Variants in TMEM50B observed in about 807,000 individuals in gnomAD.
TMEM50B encodes HCV p7-trans-regulated protein 3.
In TMEM50B, 14 loss-of-function variants were observed where a neutral mutation model predicts 23.4. That is an observed-to-expected ratio of 0.60 (90% confidence interval 0.39 to 0.93). TMEM50B has a LOEUF of 0.93. TMEM50B is among the 40% of genes least tolerant of loss of function. TMEM50B has a pLI of 0.00. For synonymous variants in TMEM50B, 64 were observed against 62.3 expected, an observed-to-expected ratio of 1.03 and a Z score of -0.13; for missense variants, 159 against 193.0, an observed-to-expected ratio of 0.82 and a Z score of 1.04.
intron 8 of TMEM50B, chr21:33,436,860 G>A (rs771783691): frequency 6.2e-7 from 1 of 1,614,060 alleles, no homozygotes; most frequent in East Asian, 2.2e-5. Flanking sequence ...CCATCTTAGA[G>A]GCCTTGGACA....
Position 33,435,206 on chromosome 21 carries a change from C to G in TMEM50B, c.*2121-2404G>C, listed in dbSNP as rs184784790. On this transcript the variant is annotated intron_variant and NMD_transcript_variant, in intron 8 of 8. Coordinates refer to the TMEM50B transcript ENST00000420455. ...GGGAAATTAATCGCTGGGAAACACC[C>G]CTTTATATGTTAAGGCCTAAGGCCC... Among the ~76,000 whole-genome samples the G allele has an allele frequency of 3.7e-4, 57 of 152,228 alleles. No homozygotes were observed. In the East Asian group the frequency reaches 7.3e-3, roughly 20 times the overall value.
At chr21:33,470,722 T>A (rs2084307609) in intron 1 of TMEM50B, among the ~76,000 whole-genome samples, 1 of 151,404 alleles carries the variant, frequency 6.6e-6, no homozygotes, top group Non-Finnish European at 1.5e-5. Context: ...AAAGACTCCA[T>A]CTCAAAAAAG....
chr21:33,466,958 G>A, intron 3 of TMEM50B, 52 bp downstream of exon 3: 1 of 1,469,138 alleles, frequency 6.8e-7, no homozygotes, highest in Non-Finnish European at 9.5e-7. Context: ...ACATTAACAG[G>A]AAAGTATTTT....
At chr21:33,471,362 T>C (rs1045330297) in intron 1 of TMEM50B, among the ~76,000 whole-genome samples, 8 of 151,918 alleles carry the variant, frequency 5.3e-5, no homozygotes, top group African/African-American at 1.9e-4. Context: ...AAAAAATCAC[T>C]AGACATGCAA....
chr21:33,440,366 TC>T (rs1192099986), intron 7 of TMEM50B, among the ~76,000 whole-genome samples: 1 of 151,960 alleles, frequency 6.6e-6, no homozygotes, highest in East Asian at 1.9e-4. Flanking sequence ...GGTGGGCGGA[TC>T]ATTTGAGGCC....
intron 2 of TMEM50B, among the ~76,000 whole-genome samples, chr21:33,468,142 T>C (rs2084281646): frequency 1.1e-5 from 1 of 88,356 alleles, no homozygotes; most frequent in Admixed American, 1.0e-4. Context: ...TTTTGGGGTG[T>C]TTTTTTTTTA....
chr21:33,441,949 T>C (rs1215312463), intron 7 of TMEM50B, among the ~76,000 whole-genome samples: 5 of 152,090 alleles, frequency 3.3e-5, no homozygotes, highest in African/African-American at 1.2e-4. Context: ...ATTTTTGTTA[T>C]CAAGCATTTT....
intron 1 of TMEM50B, among the ~76,000 whole-genome samples, chr21:33,478,091 T>G (rs2084391096): frequency 6.7e-6 from 1 of 148,466 alleles, no homozygotes; most frequent in South Asian, 2.1e-4. Flanking sequence ...GCCGAGATCT[T>G]GCCACTGCAC....
chr21:33,459,452 G>A (rs2084198086), intron 5 of TMEM50B, among the ~76,000 whole-genome samples: 1 of 152,038 alleles, frequency 6.6e-6, no homozygotes, highest in Non-Finnish European at 1.5e-5. Context: ...GATCACTTGA[G>A]GTCAGGAGTT....
chr21:33,479,536 C>T (rs756851534), intron 1 of TMEM50B, among the ~76,000 whole-genome samples: 5 of 152,324 alleles, frequency 3.3e-5, no homozygotes, highest in African/African-American at 7.2e-5. Context: ...TCCCCAGGAA[C>T]GCAACCTGAC....
At chr21:33,447,719 CAT>C (rs67698508), downstream of TMEM50B, among the ~76,000 whole-genome samples, 7,620 of 77,524 alleles carry the variant, frequency 0.098, 242 homozygotes, top group African/African-American at 0.18. Context: ...CACACACACA[CAT>C]ATATATATAT....
rs549025113 is a variant in TMEM50B, at chr21:33,441,463, T to C, written c.*2037-2166A>G. On this transcript the variant is annotated intron_variant and NMD_transcript_variant, in intron 7 of 8. Transcript: ENST00000420455. ...GGAAAAAATGAGGATTAGATCACTG[T>C]TTTAAGATAATTATCCTTGGCTATA... 3.3e-5 allele frequency among the ~76,000 whole-genome samples: 5 copies of C among 152,222 alleles called. No individual in the cohort carries two copies. In the South Asian group the frequency reaches 1.0e-3, roughly 32 times the overall value.
At position 33,455,790 on chromosome 21, in the gene TMEM50B, TAC is replaced by T; in HGVS notation, c.374-8_374-7del. On this transcript the variant is annotated splice_region_variant and splice_polypyrimidine_tract_variant and intron_variant, in intron 5 of 6. Coordinates refer to ENST00000542230, the MANE Select transcript of TMEM50B (RefSeq NM_006134.7). ...TCCCGGATAAACATCAGTATCTACA[TAC>T]ACAAAGTAAAACAGATTAGACGGTT... 6.2e-7 allele frequency: 1 copy of T among 1,612,196 alleles called. No individual in the cohort carries two copies. The highest frequency in any genetic ancestry group is 8.5e-7 in the Non-Finnish European group (1 of 1,178,436).
At chr21:33,470,683 G>T (rs2084307168) in intron 1 of TMEM50B, among the ~76,000 whole-genome samples, 1 of 152,102 alleles carries the variant, frequency 6.6e-6, no homozygotes, top group South Asian at 2.1e-4. Flanking sequence ...CTTGCAGTGA[G>T]CCACTGCCCT....
At chr21:33,479,658 G>A (rs2084409449) in intron 1 of TMEM50B, among the ~76,000 whole-genome samples, 180 bp downstream of exon 1, 1 of 152,150 alleles carries the variant, frequency 6.6e-6, no homozygotes, top group East Asian at 1.9e-4. Context: ...GGCGGCGGGG[G>A]CTCCGCGGGC....
intron 6 of TMEM50B, 130 bp from the exon 7 acceptor site, chr21:33,450,993 A>G (rs1340354765): frequency 2.9e-5 from 20 of 699,108 alleles, no homozygotes; most frequent in East Asian, 5.4e-5. Context: ...ATTAGACATC[A>G]TGGCAGTGTT....
intron 8 of TMEM50B, chr21:33,436,753 C>T (rs924884165): frequency 1.4e-5 from 17 of 1,201,042 alleles, no homozygotes; most frequent in Middle Eastern, 3.9e-4. Context: ...AAAATAAAAA[C>T]AAAAACTAAA....
intron 5 of TMEM50B, among the ~76,000 whole-genome samples, chr21:33,459,839 G>A (rs1029146884): frequency 6.6e-6 from 1 of 151,490 alleles, no homozygotes; most frequent in South Asian, 2.1e-4. Flanking sequence ...TTTAAGAACA[G>A]TAAGGGAAAG....
At chr21:33,477,912 G>A (rs967234175) in intron 1 of TMEM50B, among the ~76,000 whole-genome samples, 20 of 151,450 alleles carry the variant, frequency 1.3e-4, no homozygotes, top group Non-Finnish European at 1.0e-4. Context: ...GAGGCAGGTG[G>A]ATCACGAGGT....
Sources: gnomAD v4.1 joint callset for allele counts (sites outside exome capture counted in the v4.1 genomes callset) on GRCh38, gnomAD v4.1.1 for gene constraint, MANE v1.5 for transcripts, NCBI Gene and HGNC (gene_info 2026-07-23, HGNC 2026-07-21) for gene names.